NAV3: variants seen among roughly 807,000 people sequenced by gnomAD.
NAV3 encodes neuron navigator 3.
In NAV3, 87 loss-of-function variants were observed where a neutral mutation model predicts 244.7. The ratio of observed to expected loss-of-function variants is 0.36; its 90% CI spans 0.30 to 0.42. The LOEUF (loss-of-function observed/expected upper bound fraction) is 0.42, where lower values mean the gene tolerates loss of function less well. Among genes scored for constraint, NAV3 ranks in the 20% least tolerant of loss-of-function variants. The probability of loss-of-function intolerance (pLI) is 1.00; values close to 1 mark genes in which losing one functional copy is unlikely to be tolerated. For synonymous variants in NAV3, 1,126 were observed against 1,042.2 expected, an observed-to-expected ratio of 1.08 and a Z score of -1.55; for missense variants, 2,663 against 2,893.3, an observed-to-expected ratio of 0.92 and a Z score of 1.83.
At chr12:78,090,378 G>A (rs2137997333) in intron 12 of NAV3, among the ~76,000 whole-genome samples, 1 of 151,860 alleles carries the variant, frequency 6.6e-6, no homozygotes, top group Non-Finnish European at 1.5e-5. Context: ...AACATGTTAA[G>A]CAGTTTATCC....
intron 2 of NAV3, among the ~76,000 whole-genome samples, chr12:77,780,358 T>G (rs75477999): frequency 0.017 from 2,638 of 152,300 alleles, 87 homozygotes; most frequent in African/African-American, 0.06. Flanking sequence ...TGTTAAAATC[T>G]TCTTATAAAT....
rs183203460 is a variant in NAV3, at chr12:77,744,537, C to G, written c.72+172271C>G. On this transcript the variant is annotated intron_variant, in intron 2 of 8. Coordinates refer to the NAV3 transcript ENST00000550042. Reference sequence around the variant, plus strand: ...CCCGATGGAAAATTGTTGTGTAGTTCTAGTTTTTCAAGGCTTTGATTTTCT... The same window carrying G: ...CCCGATGGAAAATTGTTGTGTAGTTGTAGTTTTTCAAGGCTTTGATTTTCT... Among the ~76,000 whole-genome samples the G allele has an allele frequency of 3.2e-3, 487 of 151,882 alleles. 5 individuals are homozygous for G. Among genetic ancestry groups the G allele is most frequent in the Middle Eastern group, 0.027 (8 of 294 alleles).
chr12:77,664,314 T>A (rs1247152176), intron 2 of NAV3, among the ~76,000 whole-genome samples: 1 of 152,198 alleles, frequency 6.6e-6, no homozygotes, highest in Non-Finnish European at 1.5e-5. Flanking sequence ...CTGCACCAAA[T>A]AATTGTGATA....
chr12:78,029,782 T>C (rs1878671150), intron 9 of NAV3, among the ~76,000 whole-genome samples: 1 of 152,220 alleles, frequency 6.6e-6, no homozygotes, highest in Admixed American at 6.6e-5. Context: ...GAACACATTA[T>C]TTTTTCACTG....
intron 6 of NAV3, among the ~76,000 whole-genome samples, chr12:77,996,796 A>G (rs1388790723): frequency 6.6e-6 from 1 of 152,234 alleles, no homozygotes; most frequent in Non-Finnish European, 1.5e-5. Context: ...TAAGATGATT[A>G]TAAAAAATAG....
At position 78,071,805 on chromosome 12, in the gene NAV3, T is replaced by C. The variant is rs554645368; in HGVS notation, c.2636+12690T>C. Among the ~76,000 whole-genome samples, 3 of 152,214 alleles carry C rather than the reference T, an allele frequency of 2.0e-5. No individual in the cohort carries two copies. The South Asian group carries it at 6.2e-4, about 32-fold the overall frequency. ...TTGTAGATATGCGGCCCTCAGCAAA[T>C]GTAAAAGAACAGAAATTATAACAAA... On this transcript the variant is annotated intron_variant, in intron 12 of 39. Coordinates refer to ENST00000397909, the MANE Select transcript of NAV3 (RefSeq NM_001024383.2).
chr12:77,691,422 AC>A (rs56833661), intron 2 of NAV3, among the ~76,000 whole-genome samples: 3,353 of 146,350 alleles, frequency 0.023, 129 homozygotes, highest in African/African-American at 0.079. Flanking sequence ...ATTATTATTT[AC>A]TAAGTGTTAA....
At chr12:78,047,932 GTCT>G (rs1345289762) in intron 9 of NAV3, among the ~76,000 whole-genome samples, 1 of 151,808 alleles carries the variant, frequency 6.6e-6, no homozygotes, top group African/African-American at 2.4e-5. Flanking sequence ...CTCTAATCTT[GTCT>G]TTATGCTTTA....
chr12:78,059,860 A>G (rs959827323), intron 12 of NAV3, among the ~76,000 whole-genome samples: 3 of 152,154 alleles, frequency 2.0e-5, no homozygotes. Flanking sequence ...CAAATCATCT[A>G]GTATAATAAG....
chr12:78,081,517 C>T (rs754693134), intron 12 of NAV3, among the ~76,000 whole-genome samples: 7 of 152,162 alleles, frequency 4.6e-5, no homozygotes, highest in Admixed American at 2.6e-4. Flanking sequence ...AGTCAGCTGT[C>T]CATCTTGCTG....
chr12:77,644,428 G>A (rs1402110404), intron 2 of NAV3, among the ~76,000 whole-genome samples: 1 of 151,978 alleles, frequency 6.6e-6, no homozygotes, highest in East Asian at 1.9e-4. Flanking sequence ...CATATCCAGA[G>A]GAGGAGCAAA....
At chr12:78,149,037 G>A (rs1252431168) in intron 22 of NAV3, 118 bp downstream of exon 22, 1 of 797,788 alleles carries the variant, frequency 1.3e-6, no homozygotes, top group African/African-American at 1.8e-5. Flanking sequence ...TTACCAACTA[G>A]CAGGACTCAT....
chr12:78,143,196 A>G (rs112203636), intron 20 of NAV3, among the ~76,000 whole-genome samples: 4,617 of 152,294 alleles, frequency 0.03, 99 homozygotes, highest in Non-Finnish European at 0.047. Flanking sequence ...TCTTTGGACT[A>G]TACCTATAAA....
At chr12:78,202,152 TA>T in intron 38 of NAV3, among the ~76,000 whole-genome samples, 1 of 152,046 alleles carries the variant, frequency 6.6e-6, no homozygotes, top group East Asian at 1.9e-4. Context: ...TTTTCAAGTA[TA>T]ACATATTGTG....
intron 24 of NAV3, among the ~76,000 whole-genome samples, 191 bp from the exon 25 acceptor site, chr12:78,175,115 G>C (rs1012439914): frequency 6.6e-6 from 1 of 151,900 alleles, no homozygotes; most frequent in Non-Finnish European, 1.5e-5. Flanking sequence ...TCTTAATGTA[G>C]ATAACTCAGT....
chr12:77,590,751 A>G (rs1353012758), intron 2 of NAV3, among the ~76,000 whole-genome samples: 1 of 152,256 alleles, frequency 6.6e-6, no homozygotes, highest in Non-Finnish European at 1.5e-5. Context: ...AAGCTTAAAA[A>G]TAATTTGTGT....
At chr12:78,156,551 AG>A (rs1957312346) in intron 22 of NAV3, among the ~76,000 whole-genome samples, 1 of 152,140 alleles carries the variant, frequency 6.6e-6, no homozygotes, top group Admixed American at 6.6e-5. Flanking sequence ...GTATACACAA[AG>A]GGTAAAGGAG....
intron 2 of NAV3, among the ~76,000 whole-genome samples, chr12:77,793,435 A>C (rs1871271607): frequency 6.6e-6 from 1 of 151,966 alleles, no homozygotes; most frequent in Non-Finnish European, 1.5e-5. Context: ...TAAGCCCCAC[A>C]TGCATTAGGT....
At chr12:77,762,424 C>T (rs1869517520) in intron 2 of NAV3, among the ~76,000 whole-genome samples, 1 of 151,442 alleles carries the variant, frequency 6.6e-6, no homozygotes, top group Non-Finnish European at 1.5e-5. Context: ...ACTTAAAGTA[C>T]AATAAAAAAT....
Sources: allele counts gnomAD v4.1 joint callset (sites outside exome capture counted in the v4.1 genomes callset), GRCh38; gene constraint gnomAD v4.1.1; transcripts MANE v1.5; gene names NCBI Gene and HGNC (gene_info 2026-07-23, HGNC 2026-07-21).